CNTN5: variants seen among roughly 807,000 people sequenced by gnomAD.
CNTN5 encodes contactin-5.
Under a neutral mutation model 129.1 loss-of-function variants are expected in CNTN5, and 77 were observed. The ratio of observed to expected loss-of-function variants is 0.60; its 90% CI spans 0.50 to 0.72. The LOEUF is 0.72. Ranked by LOEUF, CNTN5 falls within the 30% of genes least tolerant of loss-of-function variation. The pLI, the probability that CNTN5 is intolerant of heterozygous loss-of-function variation, is 0.00. For synonymous variants in CNTN5, 509 were observed against 465.6 expected (o/e 1.09, Z -1.20); for missense variants, 1,478 against 1,328.8 (o/e 1.11, Z -1.75).
chr11:99,166,490 G>A (rs915054372), intron 1 of CNTN5, among the ~76,000 whole-genome samples: 1 of 151,714 alleles, frequency 6.6e-6, no homozygotes, highest in Admixed American at 6.6e-5. Context: ...AGCCTCTCAG[G>A]AAAGGAGTTC....
chr11:99,958,928 C>T (rs756504423), intron 8 of CNTN5, among the ~76,000 whole-genome samples: 10 of 152,088 alleles, frequency 6.6e-5, no homozygotes, highest in African/African-American at 1.2e-4. Flanking sequence ...TACACATTGC[C>T]GATCACAAGG....
intron 4 of CNTN5, among the ~76,000 whole-genome samples, chr11:99,832,226 A>G (rs550363035): frequency 6.6e-6 from 1 of 152,348 alleles, no homozygotes; most frequent in East Asian, 1.9e-4. Flanking sequence ...AAAGCAAGAA[A>G]TGCCCATTAA....
intron 2 of CNTN5, among the ~76,000 whole-genome samples, chr11:99,531,636 C>T (rs1387581519): frequency 6.6e-6 from 1 of 152,192 alleles, no homozygotes; most frequent in Non-Finnish European, 1.5e-5. Context: ...GTGCTGTGTG[C>T]AGCCTATGGA....
intron 3 of CNTN5, among the ~76,000 whole-genome samples, chr11:99,682,230 G>T (rs1167139271): frequency 6.6e-6 from 1 of 151,932 alleles, no homozygotes; most frequent in Non-Finnish European, 1.5e-5. Context: ...AAGGGGTGAG[G>T]ATATGAGTGG....
At chr11:100,137,179 T>C (rs1946554816) in intron 13 of CNTN5, among the ~76,000 whole-genome samples, 1 of 152,100 alleles carries the variant, frequency 6.6e-6, no homozygotes, top group South Asian at 2.1e-4. Flanking sequence ...TATATGTAAA[T>C]CATTCTTCCA....
chr11:100,258,518 A>ACTGGC (rs1950126555), intron 17 of CNTN5, among the ~76,000 whole-genome samples: 1 of 152,226 alleles, frequency 6.6e-6, no homozygotes, highest in Non-Finnish European at 1.5e-5. Flanking sequence ...GAAGGAAAAA[A>ACTGGC]TGTTATGGGC....
intron 2 of CNTN5, among the ~76,000 whole-genome samples, chr11:99,476,851 G>T (rs1460478198): frequency 6.6e-6 from 1 of 152,046 alleles, no homozygotes; most frequent in Non-Finnish European, 1.5e-5. Context: ...CAACCAACAA[G>T]TGAATGGCTA....
At chr11:100,259,582 A>G (rs1950153786) in intron 17 of CNTN5, among the ~76,000 whole-genome samples, 1 of 152,042 alleles carries the variant, frequency 6.6e-6, no homozygotes, top group African/African-American at 2.4e-5. Context: ...TAATGGAAGT[A>G]ATAACAAACA....
chr11:99,608,377 A>G (rs1320230921), intron 3 of CNTN5, among the ~76,000 whole-genome samples: 2 of 152,146 alleles, frequency 1.3e-5, no homozygotes. Context: ...AGTAAGGGCA[A>G]TGCATGGGTT....
At chr11:99,323,320 A>C (rs1267183283) in intron 1 of CNTN5, among the ~76,000 whole-genome samples, 3 of 152,150 alleles carry the variant, frequency 2.0e-5, no homozygotes, top group Non-Finnish European at 4.4e-5. Context: ...ATACTGTCTT[A>C]AAGACAAGCA....
At chr11:99,824,884 AT>A (rs1555123859) in intron 4 of CNTN5, among the ~76,000 whole-genome samples, 1 of 151,998 alleles carries the variant, frequency 6.6e-6, no homozygotes, top group Non-Finnish European at 1.5e-5. Context: ...CTTCAGTAAC[AT>A]GGTTTAATTT....
At chr11:100,189,806 C>T (rs1948419009) in intron 13 of CNTN5, among the ~76,000 whole-genome samples, 1 of 152,034 alleles carries the variant, frequency 6.6e-6, no homozygotes, top group South Asian at 2.1e-4. Context: ...TAGCATCTCT[C>T]CTAGACTTAA....
chr11:99,957,640 T>C (rs1005591403), intron 8 of CNTN5, among the ~76,000 whole-genome samples: 2 of 151,556 alleles, frequency 1.3e-5, no homozygotes, highest in African/African-American at 4.8e-5. Context: ...ACCATTGATA[T>C]ATGATGTGTA....
intron 1 of CNTN5, among the ~76,000 whole-genome samples, chr11:99,199,652 C>A (rs1294757189): frequency 6.6e-6 from 1 of 152,106 alleles, no homozygotes; most frequent in Non-Finnish European, 1.5e-5. Flanking sequence ...ATGGATACGA[C>A]AAAATCCAAA....
intron 1 of CNTN5, among the ~76,000 whole-genome samples, chr11:99,244,874 T>C (rs952761437): frequency 6.6e-6 from 1 of 152,196 alleles, no homozygotes; most frequent in Non-Finnish European, 1.5e-5. Flanking sequence ...ACTGGGTTTA[T>C]TTATACTCAA....
chr11:100,089,875 C>CCCA (rs1282790116), intron 13 of CNTN5, among the ~76,000 whole-genome samples: 1 of 151,962 alleles, frequency 6.6e-6, no homozygotes, highest in African/African-American at 2.4e-5. Flanking sequence ...AGGGGAACAC[C>CCCA]ATACACTGGA....
At chr11:99,273,418 G>T (rs1863269400) in intron 1 of CNTN5, among the ~76,000 whole-genome samples, 1 of 151,802 alleles carries the variant, frequency 6.6e-6, no homozygotes, top group African/African-American at 2.4e-5. Flanking sequence ...AACGGGAGGA[G>T]TCAGCTTTAT....
intron 8 of CNTN5, among the ~76,000 whole-genome samples, chr11:99,971,011 C>T (rs1951236054): frequency 6.6e-6 from 1 of 152,178 alleles, no homozygotes; most frequent in South Asian, 2.1e-4. Context: ...AAATTAGTTA[C>T]TTACAATAAA....
intron 1 of CNTN5, among the ~76,000 whole-genome samples, chr11:99,179,404 T>G (rs1290827328): frequency 1.3e-5 from 2 of 152,024 alleles, no homozygotes; most frequent in Non-Finnish European, 2.9e-5. Flanking sequence ...ATCGTGCCAC[T>G]GCACTCCAGC....
Sources: allele counts gnomAD v4.1 joint callset (sites outside exome capture counted in the v4.1 genomes callset), GRCh38; gene constraint gnomAD v4.1.1; transcripts MANE v1.5; gene names NCBI Gene and HGNC (gene_info 2026-07-23, HGNC 2026-07-21).